Variants in COL25A1 observed in about 807,000 individuals in gnomAD.
COL25A1 encodes the protein collagen type XXV alpha 1 chain.
In COL25A1, 103 loss-of-function variants were observed where a neutral mutation model predicts 128.4. The ratio of observed to expected loss-of-function variants is 0.80; its 90% CI spans 0.68 to 0.94. COL25A1 has a LOEUF of 0.94. COL25A1 is among the 40% of genes least tolerant of loss of function. COL25A1 has a pLI of 0.00. For synonymous variants in COL25A1, 279 were observed against 277.2 expected (o/e 1.01, Z -0.06); for missense variants, 745 against 840.0 (o/e 0.89, Z 1.40).
At chr4:108,922,768 G>T (rs759652515) in intron 11 of COL25A1, among the ~76,000 whole-genome samples, 2 of 152,126 alleles carry the variant, frequency 1.3e-5, no homozygotes, top group Admixed American at 1.3e-4. Flanking sequence ...CTACTGCTAC[G>T]TCTGGTAACC....
In COL25A1 at chr4:108,950,895, C is replaced by G. The variant is rs1749342347; in HGVS notation, c.493-9458G>C. Reference sequence around the variant, plus strand: ...ACATGGAAAATGTGTTAAATTAGTGCTCTGGTTAGAGGAGCAGGCAGTACT... The same window carrying G: ...ACATGGAAAATGTGTTAAATTAGTGGTCTGGTTAGAGGAGCAGGCAGTACT... On this transcript the variant is annotated intron_variant, in intron 8 of 37. Coordinates refer to ENST00000399132, the MANE Select transcript of COL25A1 (RefSeq NM_198721.4). Among the ~76,000 whole-genome samples the G allele has an allele frequency of 2.0e-5, 3 of 152,196 alleles. No homozygotes were observed. In the South Asian group the frequency reaches 6.2e-4, roughly 31 times the overall value.
intron 21 of COL25A1, among the ~76,000 whole-genome samples, chr4:108,863,040 T>C (rs1405704743): frequency 1.3e-5 from 2 of 152,228 alleles, no homozygotes; most frequent in East Asian, 3.8e-4. Context: ...GGATTTTTTT[T>C]CAGTAAGTTT....
At chr4:108,852,406 G>A (rs1330995159) in intron 25 of COL25A1, 126 bp from the exon 26 acceptor site, 3 of 709,000 alleles carry the variant, frequency 4.2e-6, no homozygotes, top group Non-Finnish European at 6.8e-6. Flanking sequence ...ATATAAATTT[G>A]CAATGAGGAA....
At chr4:108,891,966 T>C (rs1741559009) in intron 16 of COL25A1, among the ~76,000 whole-genome samples, 1 of 151,774 alleles carries the variant, frequency 6.6e-6, no homozygotes, top group South Asian at 2.1e-4. Context: ...CAGTTCCATT[T>C]GATGGACAAC....
intron 3 of COL25A1, among the ~76,000 whole-genome samples, chr4:109,266,313 T>A (rs1157425717): frequency 6.6e-6 from 1 of 152,144 alleles, no homozygotes; most frequent in Non-Finnish European, 1.5e-5. Context: ...AGGCTATGGA[T>A]GAACAGCTGA....
chr4:108,850,550 T>C (rs1735650982), intron 26 of COL25A1, among the ~76,000 whole-genome samples: 1 of 152,116 alleles, frequency 6.6e-6, no homozygotes, highest in Non-Finnish European at 1.5e-5. Context: ...CTCCTCCATA[T>C]TGCTTGTCTA....
At chr4:108,926,874 A>C (rs1035014298) in intron 11 of COL25A1, among the ~76,000 whole-genome samples, 1 of 152,034 alleles carries the variant, frequency 6.6e-6, no homozygotes, top group Non-Finnish European at 1.5e-5. Context: ...TCATAGCTTA[A>C]GTGTGTGGAA....
At chr4:108,830,667 A>G (rs1732988290) in intron 32 of COL25A1, among the ~76,000 whole-genome samples, 1 of 152,250 alleles carries the variant, frequency 6.6e-6, no homozygotes, top group Non-Finnish European at 1.5e-5. Context: ...CAAAATTCTT[A>G]GCAATTTCAT....
intron 3 of COL25A1, among the ~76,000 whole-genome samples, chr4:109,130,666 G>A (rs529576663): frequency 4.6e-5 from 7 of 152,276 alleles, no homozygotes; most frequent in South Asian, 4.1e-4. Context: ...CTGGCTTTTA[G>A]TTGATGGTCT....
At chr4:108,815,929 C>T (rs1053552036) in intron 37 of COL25A1, among the ~76,000 whole-genome samples, 4 of 152,158 alleles carry the variant, frequency 2.6e-5, no homozygotes, top group African/African-American at 9.7e-5. Flanking sequence ...CCTATTGCAT[C>T]TCCTCTATGT....
chr4:109,204,553 A>G (rs1378369146), intron 3 of COL25A1, among the ~76,000 whole-genome samples: 1 of 152,184 alleles, frequency 6.6e-6, no homozygotes, highest in African/African-American at 2.4e-5. Flanking sequence ...TTCAGATAAT[A>G]ATTTAAATAT....
chr4:109,236,445 C>T (rs1236665251), intron 3 of COL25A1, among the ~76,000 whole-genome samples: 1 of 151,960 alleles, frequency 6.6e-6, no homozygotes, highest in East Asian at 1.9e-4. Flanking sequence ...AAAGCCATTC[C>T]CCAAACACCT....
At chr4:109,027,412 G>A (rs1267701121) in intron 5 of COL25A1, among the ~76,000 whole-genome samples, 1 of 150,674 alleles carries the variant, frequency 6.6e-6, no homozygotes, top group African/African-American at 2.5e-5. Flanking sequence ...AGAGTAAGGA[G>A]GAAAGTTACA....
chr4:109,054,789 G>T (rs1280533943), intron 3 of COL25A1, among the ~76,000 whole-genome samples: 1 of 152,180 alleles, frequency 6.6e-6, no homozygotes, highest in Non-Finnish European at 1.5e-5. Context: ...TGAGGACGAA[G>T]CTGTTTGCAG....
rs116135138 is a variant in COL25A1, at chr4:108,821,798, G to A, written c.1845+2376C>T. Among the ~76,000 whole-genome samples the A allele has an allele frequency of 3.3e-3, 501 of 152,222 alleles. 2 individuals carry two copies. Among genetic ancestry groups the A allele is most frequent in the African/African-American group, 9.6e-3 (397 of 41,544 alleles). On this transcript the variant is annotated intron_variant, in intron 35 of 37. Transcript: ENST00000399132. ...GCAATACAAAACCATGTCATTGTGGGTATGAGTACATGAGAGCTCTTGATA... is the reference window on the plus strand; with the variant it reads ...GCAATACAAAACCATGTCATTGTGGATATGAGTACATGAGAGCTCTTGATA...
intron 3 of COL25A1, among the ~76,000 whole-genome samples, chr4:109,281,078 G>A (rs58743680): frequency 0.096 from 14,537 of 152,090 alleles, 2,011 homozygotes; most frequent in African/African-American, 0.3. Context: ...TATTAAATAG[G>A]AAAAGAAGTT....
At chr4:108,875,393 T>C (rs9762291) in intron 19 of COL25A1, among the ~76,000 whole-genome samples, 74 of 152,088 alleles carry the variant, frequency 4.9e-4, no homozygotes, top group African/African-American at 1.7e-3. Context: ...CATCAAAAAG[T>C]GGGCAAAGGA....
At chr4:109,171,960 G>A (rs1773631412) in intron 3 of COL25A1, among the ~76,000 whole-genome samples, 1 of 152,008 alleles carries the variant, frequency 6.6e-6, no homozygotes, top group Non-Finnish European at 1.5e-5. Context: ...GATATCCCAG[G>A]GAATAAGGCC....
At chr4:109,083,707 G>A (rs558533172) in intron 3 of COL25A1, among the ~76,000 whole-genome samples, 7 of 151,486 alleles carry the variant, frequency 4.6e-5, no homozygotes, top group African/African-American at 1.5e-4. Context: ...TAGGTAATCC[G>A]CCCGCCTCAG....
Sources: gnomAD v4.1 joint callset for allele counts (sites outside exome capture counted in the v4.1 genomes callset) on GRCh38, gnomAD v4.1.1 for gene constraint, MANE v1.5 for transcripts, NCBI Gene and HGNC (gene_info 2026-07-23, HGNC 2026-07-21) for gene names.